The following TYW3 variants were observed in gnomAD, a reference collection of about 807,000 sequenced individuals.
The protein encoded by TYW3 is tRNA-yW synthesizing protein 3 homolog, also known as tRNA wybutosine-synthesizing protein 3 homolog.
In TYW3, 26 loss-of-function variants were observed where a neutral mutation model predicts 23.1. The ratio of observed to expected loss-of-function variants is 1.13; its 90% CI spans 0.83 to 1.56. TYW3 has a LOEUF of 1.56. TYW3 is among the 40% of genes most tolerant of loss of function. TYW3 has a pLI of 0.00. For missense variants in TYW3, 316 were observed against 311.9 expected, an observed-to-expected ratio of 1.01 and a Z score of -0.10; for synonymous variants, 102 against 105.7, an observed-to-expected ratio of 0.97 and a Z score of 0.21.
intron 5 of TYW3, among the ~76,000 whole-genome samples, chr1:74,760,068 T>G (rs531293802): frequency 2.0e-5 from 3 of 152,386 alleles, no homozygotes; most frequent in East Asian, 3.9e-4. Context: ...TGTACTGTAT[T>G]CTTACAATAA....
chr1:74,753,539 G>T (rs1370755523), intron 5 of TYW3, among the ~76,000 whole-genome samples: 1 of 152,166 alleles, frequency 6.6e-6, no homozygotes, highest in South Asian at 2.1e-4. Flanking sequence ...TCAAATCGTG[G>T]TTCTGAGTTA....
At chr1:74,748,006 C>T (rs1345819453) in intron 3 of TYW3, among the ~76,000 whole-genome samples, 1 of 152,088 alleles carries the variant, frequency 6.6e-6, no homozygotes, top group Non-Finnish European at 1.5e-5. Context: ...GTTTTTCAAC[C>T]ATGGCACAGC....
At position 74,764,006 on chromosome 1, in the gene TYW3, G is replaced by T. The variant is rs752744082; in HGVS notation, c.673G>T (p.Glu225Ter). 1.2e-6 allele frequency: 2 copies of T among 1,611,250 alleles called. No homozygotes were observed. Among genetic ancestry groups the T allele is most frequent in the Non-Finnish European group, 1.7e-6 (2 of 1,179,192 alleles). The change falls in exon 6 of 6, where the codon GAA becomes TAA. Residue 225 changes from glutamate to a stop codon, truncating the protein, a stop_gained. Coordinates refer to ENST00000370867, the MANE Select transcript of TYW3 (RefSeq NM_138467.3). LOFTEE classifies it low-confidence loss of function (END_TRUNC). ...TATTCATAAGAAAAAAAGAAACCCA[G>T]AAAAAACACGTGCCCAGTGTATTAC... is the stretch of plus-strand genomic sequence containing the variant. ...SYIHKKKRNP[E>*]KTRAQCITKE...
At chr1:74,750,951 A>G (rs1406197117) in intron 4 of TYW3, 2 of 151,830 alleles carry the variant, frequency 1.3e-5, no homozygotes, top group Non-Finnish European at 2.9e-5. Context: ...GGAATTACAC[A>G]CAGGCCCTTG....
In TYW3 at chr1:74,765,653, A is replaced by AAAT. The variant is rs1184774711; in HGVS notation, c.*1543_*1545dup. The AAAT allele has an allele frequency of 1.3e-5, 2 of 152,100 alleles. No homozygotes were observed. Among genetic ancestry groups the AAAT allele is most frequent in the African/African-American group, 4.8e-5 (2 of 41,444 alleles). 9.4% of individuals were successfully genotyped at this position (152,100 alleles called of 1,614,324 possible). ...ATAAATGAATAAAAAAAAAAGTTAT[A>AAAT]AATAACAGTAGGAAAGAGAGAGTGC... is the stretch of plus-strand genomic sequence containing the variant. On this transcript the variant is annotated 3_prime_UTR_variant, in exon 6 of 6. Coordinates refer to ENST00000370867, the MANE Select transcript of TYW3 (RefSeq NM_138467.3).
intron 3 of TYW3, among the ~76,000 whole-genome samples, chr1:74,741,793 C>A (rs1017226749): frequency 2.0e-5 from 3 of 152,154 alleles, no homozygotes; most frequent in Non-Finnish European, 4.4e-5. Context: ...AGGCCATGGG[C>A]AAAAGAGTAG....
At chr1:74,747,569 G>A (rs1429528745) in intron 3 of TYW3, among the ~76,000 whole-genome samples, 4 of 149,812 alleles carry the variant, frequency 2.7e-5, no homozygotes, top group East Asian at 2.0e-4. Context: ...CCCGGGAGGC[G>A]GAGCTTGCTG....
chr1:74,745,529 G>A (rs1001400893), intron 3 of TYW3, among the ~76,000 whole-genome samples: 8 of 151,776 alleles, frequency 5.3e-5, no homozygotes, highest in Admixed American at 3.3e-4. Flanking sequence ...GACACAGAGC[G>A]CTGATTGGTG....
intron 1 of TYW3, 121 bp downstream of exon 1, chr1:74,733,539 C>G: frequency 2.1e-6 from 3 of 1,448,840 alleles, no homozygotes; most frequent in Non-Finnish European, 2.7e-6. Flanking sequence ...GGGGTGGTCT[C>G]TGTTTCTTTA....
rs567545401 is a variant in TYW3, at chr1:74,734,963, A to C, written c.174+1545A>C. The stretch of plus-strand genomic sequence containing the variant: ...TTATTGACTGATCATTTATTTGCTG[A>C]TCTCTCAAGTTAGCAGGGCCTGTTC... On this transcript the variant is annotated intron_variant, in intron 1 of 5. Transcript: ENST00000370867. Among the ~76,000 whole-genome samples, 3 of 152,208 alleles carry C rather than the reference A, an allele frequency of 2.0e-5. No homozygotes were observed. In the South Asian group the frequency reaches 6.2e-4, roughly 32 times the overall value.
intron 3 of TYW3, among the ~76,000 whole-genome samples, chr1:74,748,176 G>T (rs1430404038): frequency 6.6e-6 from 1 of 152,062 alleles, no homozygotes; most frequent in African/African-American, 2.4e-5. Flanking sequence ...TTGCCAGATG[G>T]CCCCTGGGGT....
intron 5 of TYW3, among the ~76,000 whole-genome samples, chr1:74,758,233 G>A (rs1328847954): frequency 1.3e-5 from 2 of 152,096 alleles, no homozygotes; most frequent in Admixed American, 6.5e-5. Flanking sequence ...GCTTCAACTA[G>A]TTCTGCTACT....
chr1:74,758,251 G>A (rs1649017017), intron 5 of TYW3, among the ~76,000 whole-genome samples: 1 of 152,176 alleles, frequency 6.6e-6, no homozygotes, highest in Non-Finnish European at 1.5e-5. Context: ...ACTTTTCCAT[G>A]TACTGGCAGG....
intron 3 of TYW3, chr1:74,748,511 T>C (rs1648666133): frequency 1.1e-5 from 5 of 437,212 alleles, no homozygotes; most frequent in Admixed American, 4.2e-5. Flanking sequence ...CTGTTTGTGA[T>C]TGAATTCTAC....
At chr1:74,756,775 G>A (rs1648969467) in intron 5 of TYW3, among the ~76,000 whole-genome samples, 1 of 152,220 alleles carries the variant, frequency 6.6e-6, no homozygotes, top group African/African-American at 2.4e-5. Context: ...TGTCTCTAGG[G>A]CATGTCAGCG....
rs1649293668 is a variant in TYW3, at chr1:74,765,947, C to T, written c.*1834C>T. The T allele has an allele frequency of 1.3e-5, 2 of 152,112 alleles. No individual in the cohort carries two copies. Among genetic ancestry groups the T allele is most frequent in the Non-Finnish European group, 2.9e-5 (2 of 68,048 alleles). 9.4% of individuals were successfully genotyped at this position (152,112 alleles called of 1,614,324 possible). A position where few individuals can be genotyped will look rare whatever the true frequency, so the allele number is the denominator to read the frequency against. Reference sequence around the variant, plus strand: ...GGTGCTGGCCATAAACCTAAGAAGACATTGAATCCCATTCACTCCTTAACA... The same window carrying T: ...GGTGCTGGCCATAAACCTAAGAAGATATTGAATCCCATTCACTCCTTAACA... On this transcript the variant is annotated 3_prime_UTR_variant, in exon 6 of 6. Transcript: ENST00000370867.
At chr1:74,756,375 T>C (rs1165490277) in intron 5 of TYW3, among the ~76,000 whole-genome samples, 3 of 152,164 alleles carry the variant, frequency 2.0e-5, no homozygotes, top group African/African-American at 7.2e-5. Flanking sequence ...GATAATGATA[T>C]GGACAAGGAA....
chr1:74,753,448 A>G (rs577834214), intron 5 of TYW3, among the ~76,000 whole-genome samples: 1 of 152,302 alleles, frequency 6.6e-6, no homozygotes, highest in Admixed American at 6.5e-5. Flanking sequence ...TTTTTGAAGC[A>G]TTGAAGGCCA....
intron 3 of TYW3, among the ~76,000 whole-genome samples, chr1:74,747,283 C>T (rs746260014): frequency 7.2e-5 from 11 of 152,186 alleles, no homozygotes; most frequent in East Asian, 3.9e-4. Context: ...TAGAAAGCAT[C>T]GGGGCTATCT....
Sources: gnomAD v4.1 joint callset for allele counts (sites outside exome capture counted in the v4.1 genomes callset) on GRCh38, gnomAD v4.1.1 for gene constraint, MANE v1.5 for transcripts, NCBI Gene and HGNC (gene_info 2026-07-23, HGNC 2026-07-21) for gene names.